Variants in RAB6A observed in about 807,000 individuals in gnomAD.
The protein encoded by RAB6A is ras-related protein Rab-6A.
A neutral mutation model predicts 32.3 loss-of-function variants in RAB6A; 8 were observed. That is an observed-to-expected ratio of 0.25 (90% CI 0.15 to 0.45). The LOEUF (loss-of-function observed/expected upper bound fraction) is 0.45. RAB6A is among the 20% of genes least tolerant of loss of function. RAB6A has a pLI of 1.00. For synonymous variants in RAB6A, 73 were observed against 82.1 expected (o/e 0.89, Z 0.60); for missense variants, 104 against 249.4 (o/e 0.42, Z 3.93).
chr11:73,752,589 A>T (rs1946684795), intron 1 of RAB6A, among the ~76,000 whole-genome samples: 1 of 152,196 alleles, frequency 6.6e-6, no homozygotes, highest in African/African-American at 2.4e-5. Flanking sequence ...GACCGAGGCC[A>T]GGCAGATCGC....
At chr11:73,684,760 AAG>A (rs147842914) in intron 6 of RAB6A, among the ~76,000 whole-genome samples, 19,041 of 152,230 alleles carry the variant, frequency 0.13, 1,276 homozygotes, top group Admixed American at 0.16. Flanking sequence ...TTTCACAGGG[AAG>A]AGTTTCCTGA....
intron 1 of RAB6A, among the ~76,000 whole-genome samples, chr11:73,740,897 GA>G (rs568757703): frequency 1.2e-4 from 17 of 141,300 alleles, no homozygotes; most frequent in South Asian, 1.0e-3. Flanking sequence ...TTAAAAAAAA[GA>G]AAAAAAAAAA....
intron 6 of RAB6A, among the ~76,000 whole-genome samples, chr11:73,688,812 G>A (rs2134877906): frequency 6.6e-6 from 1 of 152,292 alleles, no homozygotes; most frequent in East Asian, 1.9e-4. Flanking sequence ...TTAACTCAGA[G>A]TCTAGCAACT....
chr11:73,680,934 G>A (rs1460652146), intron 6 of RAB6A, among the ~76,000 whole-genome samples: 1 of 152,202 alleles, frequency 6.6e-6, no homozygotes, highest in African/African-American at 2.4e-5. Flanking sequence ...AGAGGCATAT[G>A]AGAACAGATA....
At chr11:73,679,368 C>G (rs1945318360) in intron 7 of RAB6A, among the ~76,000 whole-genome samples, 1 of 152,176 alleles carries the variant, frequency 6.6e-6, no homozygotes, top group Admixed American at 6.5e-5. Context: ...CAATGGGACT[C>G]AAAATGAAGA....
chr11:73,739,278 A>ATATATAT (rs1448381477), intron 1 of RAB6A, among the ~76,000 whole-genome samples: 2 of 18,832 alleles, frequency 1.1e-4, no homozygotes, highest in Non-Finnish European at 1.5e-4. Context: ...AAAAAAAAAA[A>ATATATAT]AAAAAAATAT....
intron 1 of RAB6A, among the ~76,000 whole-genome samples, chr11:73,749,985 A>T (rs1946650039): frequency 6.6e-6 from 1 of 152,202 alleles, no homozygotes; most frequent in Non-Finnish European, 1.5e-5. Flanking sequence ...ACATAGTGAG[A>T]TCTTACCTCT....
intron 1 of RAB6A, among the ~76,000 whole-genome samples, chr11:73,751,242 G>A (rs1946665274): frequency 6.6e-6 from 1 of 152,056 alleles, no homozygotes; most frequent in African/African-American, 2.4e-5. Context: ...TCATGCCTGT[G>A]AATGGACTGC....
chr11:73,727,549 C>T (rs1225771010), intron 2 of RAB6A, among the ~76,000 whole-genome samples: 1 of 151,842 alleles, frequency 6.6e-6, no homozygotes, highest in African/African-American at 2.4e-5. Context: ...ATAATTGATC[C>T]AAACCCATCC....
intron 2 of RAB6A, among the ~76,000 whole-genome samples, chr11:73,728,248 G>A (rs1436825741): frequency 6.6e-6 from 1 of 152,140 alleles, no homozygotes; most frequent in Non-Finnish European, 1.5e-5. Flanking sequence ...ATCTTAGAAA[G>A]CGTTCAGCCT....
chr11:73,760,286 G>A (rs1393591285), intron 1 of RAB6A, among the ~76,000 whole-genome samples: 1 of 152,182 alleles, frequency 6.6e-6, no homozygotes, highest in Non-Finnish European at 1.5e-5. Context: ...AAGAGGCTGG[G>A]CGGGGTGAGG....
chr11:73,738,687 G>C (rs984687948), intron 1 of RAB6A, among the ~76,000 whole-genome samples: 1 of 151,888 alleles, frequency 6.6e-6, no homozygotes, highest in Non-Finnish European at 1.5e-5. Context: ...ATTGAGGCCA[G>C]GAGCGGTCGC....
At chr11:73,704,539 G>A (rs1945801675) in intron 6 of RAB6A, among the ~76,000 whole-genome samples, 1 of 150,626 alleles carries the variant, frequency 6.6e-6, no homozygotes. Context: ...AAAAAAATTA[G>A]CTGGGCATGG....
chr11:73,753,119 G>A (rs898017429), intron 1 of RAB6A, among the ~76,000 whole-genome samples: 5 of 152,034 alleles, frequency 3.3e-5, no homozygotes, highest in Non-Finnish European at 5.9e-5. Flanking sequence ...GCGCAATGGC[G>A]AATGCCTCTA....
At chr11:73,726,668 G>A (rs1946228565) in intron 2 of RAB6A, among the ~76,000 whole-genome samples, 1 of 143,474 alleles carries the variant, frequency 7.0e-6, no homozygotes. Context: ...AGAATCGCTT[G>A]AGCCTGGGGG....
intron 1 of RAB6A, among the ~76,000 whole-genome samples, chr11:73,732,957 C>T (rs1188504272): frequency 3.3e-5 from 5 of 151,960 alleles, no homozygotes; most frequent in South Asian, 2.1e-4. Flanking sequence ...AGATTACAGG[C>T]GTGTGCCACC....
intron 6 of RAB6A, among the ~76,000 whole-genome samples, chr11:73,696,771 A>ATT (rs565879166): frequency 3.5e-5 from 5 of 142,130 alleles, no homozygotes; most frequent in African/African-American, 7.7e-5. Flanking sequence ...CATGCCTAGA[A>ATT]TTTTTTTTTT....
At chr11:73,724,555 A>G (rs1353147885) in intron 2 of RAB6A, among the ~76,000 whole-genome samples, 3 of 138,532 alleles carry the variant, frequency 2.2e-5, no homozygotes, top group Non-Finnish European at 4.5e-5. Flanking sequence ...GCTCAATCTC[A>G]GCTCACCGCA....
chr11:73,689,393 T>C (rs1945509876), intron 6 of RAB6A, among the ~76,000 whole-genome samples: 1 of 152,212 alleles, frequency 6.6e-6, no homozygotes, highest in Admixed American at 6.5e-5. Flanking sequence ...GCCATTGATC[T>C]GACAGGAGGC....
Sources: gnomAD v4.1 joint callset for allele counts (sites outside exome capture counted in the v4.1 genomes callset) on GRCh38, gnomAD v4.1.1 for gene constraint, MANE v1.5 for transcripts, NCBI Gene and HGNC (gene_info 2026-07-23, HGNC 2026-07-21) for gene names.